CAPZB: variants seen among roughly 807,000 people sequenced by gnomAD.
CAPZB encodes capping actin protein of muscle Z-line subunit beta, also known as F-actin-capping protein subunit beta.
CAPZB carries 2 observed loss-of-function variants against 38.1 expected under a neutral mutation model. The ratio of observed to expected loss-of-function variants is 0.05; its 90% CI spans 0.02 to 0.17. CAPZB has a LOEUF of 0.17. CAPZB is among the 10% of genes least tolerant of loss of function. CAPZB has a pLI of 1.00. For synonymous variants in CAPZB, 107 were observed against 127.4 expected (o/e 0.84, Z 1.08); for missense variants, 161 against 334.2 (o/e 0.48, Z 4.04).
At chr1:19,461,262 T>C (rs1466555633) in intron 1 of CAPZB, among the ~76,000 whole-genome samples, 2 of 152,030 alleles carry the variant, frequency 1.3e-5, no homozygotes, top group Non-Finnish European at 2.9e-5. Flanking sequence ...CACTTTCAGG[T>C]CCAAACTGGC....
chr1:19,345,664 C>T (rs577879473), intron 6 of CAPZB, among the ~76,000 whole-genome samples: 1 of 152,392 alleles, frequency 6.6e-6, no homozygotes, highest in South Asian at 2.1e-4. Flanking sequence ...CCTGACACTG[C>T]AGGGGAAGCT....
At chr1:19,416,456 G>C (rs1373531978) in intron 2 of CAPZB, among the ~76,000 whole-genome samples, 1 of 151,918 alleles carries the variant, frequency 6.6e-6, no homozygotes, top group African/African-American at 2.4e-5. Context: ...TACCTTACAG[G>C]GGTGTTGTAT....
At chr1:19,428,702 C>A (rs1025728233) in intron 1 of CAPZB, among the ~76,000 whole-genome samples, 8 of 152,146 alleles carry the variant, frequency 5.3e-5, no homozygotes, top group African/African-American at 1.9e-4. Flanking sequence ...AAAATCCGCA[C>A]CTAAACCTGG....
rs561059961 is a variant in CAPZB, at chr1:19,379,430, C to T, written c.216-777G>A. Among the ~76,000 whole-genome samples the T allele has an allele frequency of 1.2e-4, 19 of 152,264 alleles. No homozygotes were observed. In the South Asian group the frequency reaches 1.7e-3, roughly 13 times the overall value. ...TCACCACCTTATAGTTCAACAGATG[C>T]CCCTCTCTCCTCCCTGATTTGCTGG... is the stretch of plus-strand genomic sequence containing the variant. On this transcript the variant is annotated intron_variant, in intron 3 of 8. Transcript: ENST00000264202.
chr1:19,367,516 G>A (rs2094095989), intron 4 of CAPZB, among the ~76,000 whole-genome samples: 1 of 152,208 alleles, frequency 6.6e-6, no homozygotes, highest in Admixed American at 6.5e-5. Flanking sequence ...ATCAATGCTT[G>A]GCTTTGGGCG....
Position 19,427,352 on chromosome 1 carries a change from C to T in CAPZB, c.4-7602G>A, listed in dbSNP as rs528202361. On this transcript the variant is annotated intron_variant, in intron 1 of 8. Transcript: ENST00000264202. ...TCTTAAGTTCATCAAGACCTTCACT[C>T]GTTTACATTCCCGAGAGGCTTAGCA... 3.3e-5 allele frequency among the ~76,000 whole-genome samples: 5 copies of T among 152,332 alleles called. No homozygotes were observed. The South Asian group carries it at 1.0e-3, about 32-fold the overall frequency.
chr1:19,427,072 T>G (rs2094425522), intron 1 of CAPZB, among the ~76,000 whole-genome samples: 2 of 152,224 alleles, frequency 1.3e-5, no homozygotes, highest in Admixed American at 6.5e-5. Flanking sequence ...CTGAGATGAC[T>G]ACGTTTCCTA....
At chr1:19,384,510 A>G (rs992717222) in intron 3 of CAPZB, among the ~76,000 whole-genome samples, 7 of 152,258 alleles carry the variant, frequency 4.6e-5, no homozygotes, top group African/African-American at 1.7e-4. Context: ...CTAAAAGACC[A>G]GCGACAATAA....
chr1:19,454,446 T>C (rs2094526737), intron 1 of CAPZB, among the ~76,000 whole-genome samples: 1 of 152,240 alleles, frequency 6.6e-6, no homozygotes, highest in Non-Finnish European at 1.5e-5. Flanking sequence ...GCTTTCCTGC[T>C]GCTTTTATTT....
intron 3 of CAPZB, among the ~76,000 whole-genome samples, chr1:19,382,940 T>A (rs1349444144): frequency 2.0e-5 from 3 of 152,190 alleles, no homozygotes; most frequent in Admixed American, 6.5e-5. Flanking sequence ...CCACTCACCA[T>A]CTTCACTGGA....
intron 1 of CAPZB, among the ~76,000 whole-genome samples, chr1:19,453,874 T>C (rs1286188152): frequency 2.0e-5 from 3 of 152,060 alleles, no homozygotes; most frequent in African/African-American, 7.2e-5. Context: ...ATTAGATGCA[T>C]TAACTCATCC....
chr1:19,437,306 G>A (rs994059358), intron 1 of CAPZB, among the ~76,000 whole-genome samples: 5 of 152,118 alleles, frequency 3.3e-5, no homozygotes, highest in Non-Finnish European at 5.9e-5. Context: ...AGAAATTTGA[G>A]AAGGTGCTGA....
intron 2 of CAPZB, among the ~76,000 whole-genome samples, chr1:19,395,129 T>G (rs1004487631): frequency 6.6e-6 from 1 of 152,156 alleles, no homozygotes; most frequent in Admixed American, 6.5e-5. Context: ...TTCCAGTGGA[T>G]TTTTCGTCAC....
intron 1 of CAPZB, among the ~76,000 whole-genome samples, chr1:19,433,918 C>T (rs2094450134): frequency 6.6e-6 from 1 of 152,228 alleles, no homozygotes; most frequent in Non-Finnish European, 1.5e-5. Flanking sequence ...ATGGGCCCAG[C>T]ACTGCAGAGC....
intron 6 of CAPZB, among the ~76,000 whole-genome samples, chr1:19,346,002 C>T (rs1395038129): frequency 6.6e-6 from 1 of 152,160 alleles, no homozygotes; most frequent in Non-Finnish European, 1.5e-5. Flanking sequence ...CATCTCAACT[C>T]GGAGGAGGGA....
chr1:19,400,839 T>C (rs1394194229), intron 2 of CAPZB, among the ~76,000 whole-genome samples: 1 of 152,202 alleles, frequency 6.6e-6, no homozygotes, highest in Non-Finnish European at 1.5e-5. Context: ...CTCCTGGCTC[T>C]AGGTGACAAG....
chr1:19,474,687 A>T (rs1187713526), intron 1 of CAPZB, among the ~76,000 whole-genome samples: 2 of 152,200 alleles, frequency 1.3e-5, no homozygotes, highest in East Asian at 3.9e-4. Context: ...AAGACCTGCC[A>T]CCTTCACAAG....
At chr1:19,457,771 T>G (rs2094537510) in intron 1 of CAPZB, among the ~76,000 whole-genome samples, 1 of 152,194 alleles carries the variant, frequency 6.6e-6, no homozygotes. Flanking sequence ...GTGTTCATAC[T>G]GTGGCACGGT....
intron 3 of CAPZB, 98 bp downstream of exon 3, chr1:19,385,407 A>G (rs963323270): frequency 2.1e-6 from 3 of 1,412,072 alleles, no homozygotes; most frequent in Non-Finnish European, 3.0e-6. Flanking sequence ...ATGGGCTGCC[A>G]GCTGCCCAAG....
Sources: gnomAD v4.1 joint callset for allele counts (sites outside exome capture counted in the v4.1 genomes callset) on GRCh38, gnomAD v4.1.1 for gene constraint, MANE v1.5 for transcripts, NCBI Gene and HGNC (gene_info 2026-07-23, HGNC 2026-07-21) for gene names.